The following CRPPA variants were observed in gnomAD, a reference collection of about 807,000 sequenced individuals.
CRPPA encodes the protein CDP-L-ribitol pyrophosphorylase A, also known as D-ribitol-5-phosphate cytidylyltransferase.
CRPPA carries 43 observed loss-of-function variants against 52.0 expected under a neutral mutation model. The observed-to-expected ratio is 0.83, with a 90% CI of 0.65 to 1.07. The LOEUF is 1.07. CRPPA is among the 50% of genes least tolerant of loss of function. The pLI is 0.00. For synonymous variants in CRPPA, 250 were observed against 203.5 expected (o/e 1.23, Z -1.94); for missense variants, 629 against 551.7 (o/e 1.14, Z -1.40).
chr7:16,337,631 G>C (rs547121351), intron 3 of CRPPA, among the ~76,000 whole-genome samples: 2 of 152,004 alleles, frequency 1.3e-5, no homozygotes, highest in South Asian at 4.1e-4. Context: ...AAACTCCTTA[G>C]CTAGACTAGG....
intron 9 of CRPPA, among the ~76,000 whole-genome samples, chr7:16,150,187 C>G (rs1018681514): frequency 2.0e-5 from 3 of 151,724 alleles, no homozygotes; most frequent in African/African-American, 7.3e-5. Flanking sequence ...GAGCAAAATG[C>G]CTTTGTAATA....
chr7:16,383,320 C>T (rs1284901249), intron 2 of CRPPA, among the ~76,000 whole-genome samples: 3 of 152,176 alleles, frequency 2.0e-5, no homozygotes, highest in Admixed American at 6.5e-5. Context: ...TTTCATGAAC[C>T]GCGAATGCTG....
intron 6 of CRPPA, chr7:16,266,089 G>A (rs986938193): frequency 6.6e-5 from 10 of 152,350 alleles, no homozygotes; most frequent in Admixed American, 5.9e-4. Flanking sequence ...TGTCGGGGAG[G>A]AACATGTATT....
At chr7:16,212,567 A>C (rs900204087) in intron 9 of CRPPA, among the ~76,000 whole-genome samples, 1 of 152,220 alleles carries the variant, frequency 6.6e-6, no homozygotes, top group African/African-American at 2.4e-5. Flanking sequence ...AAAGAAAGGA[A>C]ATAATAGTTC....
At chr7:16,332,198 T>A (rs1030791314) in intron 3 of CRPPA, among the ~76,000 whole-genome samples, 16 of 152,166 alleles carry the variant, frequency 1.1e-4, no homozygotes, top group Non-Finnish European at 1.9e-4. Context: ...CCTAGAATTC[T>A]ATCTTCTGAA....
At chr7:16,187,768 A>T (rs1455916418) in intron 9 of CRPPA, among the ~76,000 whole-genome samples, 1 of 152,152 alleles carries the variant, frequency 6.6e-6, no homozygotes, top group African/African-American at 2.4e-5. Flanking sequence ...ATTCCTTGGG[A>T]AAAAGGGAGT....
chr7:16,105,170 C>A (rs1782126718), intron 9 of CRPPA, among the ~76,000 whole-genome samples: 1 of 152,134 alleles, frequency 6.6e-6, no homozygotes, highest in Admixed American at 6.5e-5. Context: ...TTCTCCTCCA[C>A]CAACCTCCAG....
intron 8 of CRPPA, among the ~76,000 whole-genome samples, chr7:16,230,069 C>T (rs376669920): frequency 1.3e-5 from 2 of 152,042 alleles, no homozygotes; most frequent in East Asian, 3.9e-4. Flanking sequence ...TCAGGATCTT[C>T]TTAGTCTTTG....
At chr7:16,375,771 A>G (rs1046235296) in intron 3 of CRPPA, among the ~76,000 whole-genome samples, 2 of 152,194 alleles carry the variant, frequency 1.3e-5, no homozygotes, top group Non-Finnish European at 2.9e-5. Flanking sequence ...TGGGCATTGT[A>G]TCTCTAACAG....
At chr7:16,240,284 G>A (rs1562578322) in intron 8 of CRPPA, among the ~76,000 whole-genome samples, 1 of 150,894 alleles carries the variant, frequency 6.6e-6, no homozygotes, top group African/African-American at 2.4e-5. Flanking sequence ...GATTTAGGCA[G>A]GAAATACCTG....
chr7:16,114,824 A>G (rs1342040251), intron 9 of CRPPA, among the ~76,000 whole-genome samples: 1 of 152,132 alleles, frequency 6.6e-6, no homozygotes, highest in Non-Finnish European at 1.5e-5. Flanking sequence ...GTGACAGAAG[A>G]GAGCAGCATT....
At position 16,171,158 on chromosome 7, in the gene CRPPA, G is replaced by T. The variant is rs143014895; in HGVS notation, c.1251+44908C>A. 4.5e-3 allele frequency among the ~76,000 whole-genome samples: 681 copies of T among 152,310 alleles called. 7 individuals are homozygous for T. Among genetic ancestry groups the T allele is most frequent in the African/African-American group, 0.016 (652 of 41,560 alleles). Reference sequence around the variant, plus strand: ...ATCTTGTGAAAATTATTAAAGGATAGATTTTTGGCAGAAAGACATTATTTT... The same window carrying T: ...ATCTTGTGAAAATTATTAAAGGATATATTTTTGGCAGAAAGACATTATTTT... On this transcript the variant is annotated intron_variant, in intron 9 of 9. Transcript: ENST00000407010.
chr7:16,260,859 ACATT>A (rs1363850191), intron 6 of CRPPA, among the ~76,000 whole-genome samples: 8 of 152,114 alleles, frequency 5.3e-5, no homozygotes, highest in Non-Finnish European at 1.0e-4. Flanking sequence ...GAGGACAGAA[ACATT>A]CATGTTTTTA....
chr7:16,299,972 A>C (rs1316718968), intron 5 of CRPPA, among the ~76,000 whole-genome samples: 1 of 152,226 alleles, frequency 6.6e-6, no homozygotes, highest in Non-Finnish European at 1.5e-5. Context: ...CTCTGTGAAG[A>C]AACCAAACTG....
At chr7:16,202,488 G>A (rs1384242635) in intron 9 of CRPPA, among the ~76,000 whole-genome samples, 5 of 152,124 alleles carry the variant, frequency 3.3e-5, no homozygotes, top group Non-Finnish European at 7.4e-5. Context: ...ACTAGACCAG[G>A]CACCATTCCA....
At position 16,111,093 on chromosome 7, in the gene CRPPA, TA is replaced by T. The variant is rs1041333481; in HGVS notation, c.1252-19295del. ...ATGGCAAGAAAACAAAGCAAACAAT[TA>T]AAAAAAAATTAAAAACGGCAAGGGA... On this transcript the variant is annotated intron_variant, in intron 9 of 9. Transcript: ENST00000407010. 6.7e-5 allele frequency among the ~76,000 whole-genome samples: 10 copies of T among 148,242 alleles called. 1 individual carries two copies. The South Asian group carries it at 8.9e-4, about 13-fold the overall frequency.
chr7:16,091,661 G>T lies in CRPPA; in HGVS notation c.*34C>A. 8.4e-7 allele frequency: 1 copy of T among 1,190,676 alleles called. No individual in the cohort carries two copies. Among genetic ancestry groups the T allele is most frequent in the Non-Finnish European group, 1.2e-6 (1 of 823,850 alleles). The allele number at this position is 1,190,676 out of a possible 1,614,324, so 73.8% of individuals were successfully genotyped here. ...AAAGCACAATTAAGATACGCAAATA[G>T]ATGTTTTAGAAAATAGGTAATTTTT... On this transcript the variant is annotated 3_prime_UTR_variant, in exon 10 of 10. Transcript: ENST00000407010.
chr7:16,201,424 T>C (rs1583425115), intron 9 of CRPPA, among the ~76,000 whole-genome samples: 1 of 152,186 alleles, frequency 6.6e-6, no homozygotes, highest in Admixed American at 6.5e-5. Context: ...GCCAATCAAA[T>C]GGTATCTTTT....
At chr7:16,144,199 C>T (rs1276244061) in intron 9 of CRPPA, among the ~76,000 whole-genome samples, 1 of 152,168 alleles carries the variant, frequency 6.6e-6, no homozygotes, top group Non-Finnish European at 1.5e-5. Context: ...AGCCCCACTC[C>T]TCCCCAGTCC....
Sources: allele counts gnomAD v4.1 joint callset (sites outside exome capture counted in the v4.1 genomes callset), GRCh38; gene constraint gnomAD v4.1.1; transcripts MANE v1.5; gene names NCBI Gene and HGNC (gene_info 2026-07-23, HGNC 2026-07-21).